TOP6BL: variants seen among roughly 807,000 people sequenced by gnomAD.
TOP6BL encodes type 2 DNA topoisomerase 6 subunit B-like.
the TOP6BL span, among the ~76,000 whole-genome samples, chr11:66,812,031 CAAAG>C: frequency 4.6e-5 from 7 of 151,976 alleles, no homozygotes; most frequent in African/African-American, 1.2e-4. Flanking sequence ...AAAAAGGAAA[CAAAG>C]AATACAAGCA....
chr11:66,807,596 A>T, the TOP6BL span, among the ~76,000 whole-genome samples: 1 of 152,104 alleles, frequency 6.6e-6, no homozygotes, highest in Admixed American at 6.6e-5. Flanking sequence ...CAAACAAAAA[A>T]ATCATAAAAG....
the TOP6BL span, among the ~76,000 whole-genome samples, chr11:66,745,278 A>G: frequency 1.8e-5 from 2 of 111,290 alleles, no homozygotes; most frequent in African/African-American, 6.8e-5. Flanking sequence ...GAAAGAAGGA[A>G]AGGAATGGGG....
chr11:66,814,002 C>A, the TOP6BL span: 2 of 1,613,322 alleles, frequency 1.2e-6, no homozygotes, highest in South Asian at 2.2e-5. Context: ...ATTTGGATCT[C>A]AATTTGGATA....
the TOP6BL span, among the ~76,000 whole-genome samples, chr11:66,750,703 C>CTT: frequency 2.0e-5 from 3 of 148,478 alleles, no homozygotes; most frequent in East Asian, 5.9e-4. Context: ...GTTGTTGTAT[C>CTT]TTTTTTTTTT....
At chr11:66,821,780 C>T in the TOP6BL span, 7 of 1,611,940 alleles carry the variant, frequency 4.3e-6, no homozygotes, top group South Asian at 6.6e-5. Context: ...AAGGAATTCA[C>T]AGCCTCTTTT....
chr11:66,843,299 T>A, the TOP6BL span: 1 of 1,571,500 alleles, frequency 6.4e-7, no homozygotes, highest in Non-Finnish European at 8.6e-7. Flanking sequence ...TCCCGTGGTT[T>A]AATAAAGCTG....
chr11:66,794,356 G>A, the TOP6BL span, among the ~76,000 whole-genome samples: 5 of 151,908 alleles, frequency 3.3e-5, no homozygotes, highest in Admixed American at 1.3e-4. Context: ...CTAGGAGACT[G>A]TTTCTAACTT....
the TOP6BL span, among the ~76,000 whole-genome samples, chr11:66,812,668 A>C: frequency 1.3e-5 from 2 of 152,228 alleles, no homozygotes; most frequent in Non-Finnish European, 2.9e-5. Context: ...AAAGAGGATG[A>C]AAACGAATGA....
the TOP6BL span, among the ~76,000 whole-genome samples, chr11:66,785,541 C>T: frequency 6.6e-6 from 1 of 152,046 alleles, no homozygotes; most frequent in African/African-American, 2.4e-5. Flanking sequence ...ACAACTGTCC[C>T]GTAGGAGGCT....
At chr11:66,798,946 C>A in the TOP6BL span, among the ~76,000 whole-genome samples, 1 of 151,930 alleles carries the variant, frequency 6.6e-6, no homozygotes, top group African/African-American at 2.4e-5. Flanking sequence ...GTGGCTCACG[C>A]CTGTAATCCC....
the TOP6BL span, among the ~76,000 whole-genome samples, chr11:66,785,191 T>C: frequency 6.6e-6 from 1 of 152,078 alleles, no homozygotes; most frequent in Non-Finnish European, 1.5e-5. Context: ...ACTCCTGACC[T>C]CAGGTGATCC....
chr11:66,792,161 T>A, the TOP6BL span, among the ~76,000 whole-genome samples: 4 of 152,064 alleles, frequency 2.6e-5, no homozygotes, highest in Non-Finnish European at 5.9e-5. Flanking sequence ...CTCTAACCCC[T>A]TTTAAGGGGT....
chr11:66,799,251 T>C, the TOP6BL span, among the ~76,000 whole-genome samples: 1 of 148,244 alleles, frequency 6.7e-6, no homozygotes, highest in Non-Finnish European at 1.5e-5. Context: ...CTGGGCATGG[T>C]GGCGCGTGCC....
At chr11:66,832,851 G>T in the TOP6BL span, among the ~76,000 whole-genome samples, 149 of 152,190 alleles carry the variant, frequency 9.8e-4, no homozygotes, top group Middle Eastern at 3.4e-3. Context: ...AGTTCTGGAG[G>T]CCAGAAGTCC....
chr11:66,843,010 C>G, the TOP6BL span: 1 of 1,551,916 alleles, frequency 6.4e-7, no homozygotes. Flanking sequence ...AAGGGAGCAC[C>G]GCGAGGCTCA....
the TOP6BL span, among the ~76,000 whole-genome samples, chr11:66,781,104 A>G: frequency 0.064 from 9,658 of 152,018 alleles, 385 homozygotes; most frequent in East Asian, 0.12. Flanking sequence ...ATTTTAGGGA[A>G]TTTTGTTCAT....
At chr11:66,756,218 A>G in the TOP6BL span, 8 of 894,892 alleles carry the variant, frequency 8.9e-6, no homozygotes, top group Non-Finnish European at 9.4e-6. Flanking sequence ...AAATTTGGGA[A>G]ATGTTAGTTA....
At chr11:66,753,406 CTTTT>C in the TOP6BL span, among the ~76,000 whole-genome samples, 3 of 120,718 alleles carry the variant, frequency 2.5e-5, no homozygotes, top group Non-Finnish European at 1.7e-5. Context: ...AGGACTTAGT[CTTTT>C]TTTTTTTTTT....
the TOP6BL span, among the ~76,000 whole-genome samples, chr11:66,789,552 T>C: frequency 6.6e-6 from 1 of 152,140 alleles, no homozygotes; most frequent in Non-Finnish European, 1.5e-5. Flanking sequence ...GGGTAAACAA[T>C]CTGGAGCAAT....
Sources: gnomAD v4.1 joint callset for allele counts (sites outside exome capture counted in the v4.1 genomes callset) on GRCh38, gnomAD v4.1.1 for gene constraint, MANE v1.5 for transcripts, NCBI Gene and HGNC (gene_info 2026-07-23, HGNC 2026-07-21) for gene names.